ADGRB3: variants seen among roughly 807,000 people sequenced by gnomAD.
ADGRB3 encodes the protein brain-specific angiogenesis inhibitor 3.
A neutral mutation model predicts 193.4 loss-of-function variants in ADGRB3; 37 were observed. The observed-to-expected ratio is 0.19, with a 90% confidence interval of 0.15 to 0.25. The LOEUF is 0.25. Ranked by LOEUF, ADGRB3 falls within the 10% of genes least tolerant of loss-of-function variation. The pLI is 1.00. For synonymous variants in ADGRB3, 690 were observed against 644.2 expected (o/e 1.07, Z -1.08); for missense variants, 1,637 against 1,852.9 (o/e 0.88, Z 2.14).
intron 8 of ADGRB3, among the ~76,000 whole-genome samples, chr6:68,964,254 A>C (rs1768315900): frequency 6.6e-6 from 1 of 152,160 alleles, no homozygotes; most frequent in South Asian, 2.1e-4. Context: ...CGAGTTGTTC[A>C]GTTTCCCCAA....
chr6:68,650,232 A>T (rs1280619761), intron 3 of ADGRB3, among the ~76,000 whole-genome samples: 1 of 152,230 alleles, frequency 6.6e-6, no homozygotes, highest in Admixed American at 6.5e-5. Flanking sequence ...GTACAGAGAA[A>T]TAAATAACAA....
At chr6:68,892,672 G>T (rs1471680662) in intron 3 of ADGRB3, among the ~76,000 whole-genome samples, 2 of 151,906 alleles carry the variant, frequency 1.3e-5, no homozygotes, top group African/African-American at 4.8e-5. Context: ...ATATTGGCTG[G>T]GTGTTGATAA....
intron 3 of ADGRB3, among the ~76,000 whole-genome samples, chr6:68,912,541 C>T (rs1254212582): frequency 6.6e-6 from 1 of 152,014 alleles, no homozygotes; most frequent in African/African-American, 2.4e-5. Context: ...ACAACAGTCC[C>T]CAGAGTGTGA....
At chr6:69,310,002 C>A (rs1768150153) in intron 20 of ADGRB3, among the ~76,000 whole-genome samples, 1 of 151,678 alleles carries the variant, frequency 6.6e-6, no homozygotes, top group African/African-American at 2.4e-5. Flanking sequence ...TGGCCCAGAT[C>A]TCTCCTTCTT....
intron 3 of ADGRB3, among the ~76,000 whole-genome samples, chr6:68,719,810 T>C (rs540049081): frequency 6.6e-6 from 1 of 151,472 alleles, no homozygotes; most frequent in East Asian, 2.0e-4. Flanking sequence ...CAAGATAAAG[T>C]GAAAAAAAGG....
intron 4 of ADGRB3, 32 bp downstream of exon 4, chr6:68,930,701 G>A (rs565811011): frequency 1.4e-6 from 2 of 1,440,998 alleles, no homozygotes; most frequent in African/African-American, 2.9e-5. Context: ...TCTATTTATT[G>A]TTGTTAATTT....
chr6:68,684,883 C>T (rs1764954829), intron 3 of ADGRB3, among the ~76,000 whole-genome samples: 1 of 151,782 alleles, frequency 6.6e-6, no homozygotes, highest in Non-Finnish European at 1.5e-5. Flanking sequence ...ATCATAAGAG[C>T]ATGGGGTAAC....
intron 17 of ADGRB3, among the ~76,000 whole-genome samples, chr6:69,226,024 T>C (rs539310173): frequency 2.4e-4 from 37 of 152,292 alleles, no homozygotes; most frequent in African/African-American, 8.4e-4. Flanking sequence ...CATACTCCTT[T>C]CTACTCTCAC....
At chr6:68,804,756 AC>A (rs1284624188) in intron 3 of ADGRB3, among the ~76,000 whole-genome samples, 2 of 152,154 alleles carry the variant, frequency 1.3e-5, no homozygotes, top group African/African-American at 4.8e-5. Context: ...GATTACTAAA[AC>A]AAAATTAAAT....
intron 3 of ADGRB3, among the ~76,000 whole-genome samples, chr6:68,745,572 A>G (rs1190400558): frequency 6.6e-6 from 1 of 152,072 alleles, no homozygotes. Flanking sequence ...TGTGTTTTTT[A>G]CCTGAATTAA....
chr6:69,194,497 TTAG>T, intron 17 of ADGRB3, among the ~76,000 whole-genome samples: 1 of 152,084 alleles, frequency 6.6e-6, no homozygotes, highest in Non-Finnish European at 1.5e-5. Context: ...AAAAGGTAAA[TTAG>T]TAGTGAGTTC....
At chr6:69,011,167 G>GTGTGTGTGTATA (rs531482642) in intron 11 of ADGRB3, among the ~76,000 whole-genome samples, 2 of 143,052 alleles carry the variant, frequency 1.4e-5, no homozygotes, top group African/African-American at 5.2e-5. Context: ...GTGTGTGTGT[G>GTGTGTGTGTATA]TATATATATA....
At chr6:69,138,871 A>G (rs1774228600) in intron 17 of ADGRB3, among the ~76,000 whole-genome samples, 1 of 152,222 alleles carries the variant, frequency 6.6e-6, no homozygotes, top group African/African-American at 2.4e-5. Flanking sequence ...ATGTGAGAAA[A>G]ATTGCTTTAT....
At chr6:69,003,704 A>G (rs1017288687) in intron 11 of ADGRB3, among the ~76,000 whole-genome samples, 4 of 152,190 alleles carry the variant, frequency 2.6e-5, no homozygotes, top group African/African-American at 9.6e-5. Flanking sequence ...AAACATGACA[A>G]TAAGAAATTT....
At chr6:69,332,037 G>A in intron 23 of ADGRB3, 26 of 985,312 alleles carry the variant, frequency 2.6e-5, no homozygotes, top group Non-Finnish European at 3.0e-5. Context: ...AGCAGGGCAG[G>A]GTTACACCAA....
chr6:69,359,448 AAAAAAAGATGT>A (rs1318985731), intron 28 of ADGRB3, among the ~76,000 whole-genome samples: 1 of 150,384 alleles, frequency 6.6e-6, no homozygotes, highest in Non-Finnish European at 1.5e-5. Context: ...GTTAATCTTA[AAAAAAAGATGT>A]AAATTTAACA....
chr6:68,867,429 C>T (rs1765327591), intron 3 of ADGRB3, among the ~76,000 whole-genome samples: 1 of 152,212 alleles, frequency 6.6e-6, no homozygotes, highest in Admixed American at 6.5e-5. Flanking sequence ...ACCTGGATAT[C>T]CAGGCAGATG....
intron 17 of ADGRB3, among the ~76,000 whole-genome samples, chr6:69,180,698 G>A (rs1775557738): frequency 6.6e-6 from 1 of 152,188 alleles, no homozygotes; most frequent in African/African-American, 2.4e-5. Flanking sequence ...CTCTCCTTCT[G>A]CCTCAGGCCT....
At chr6:68,736,896 T>C (rs1335446922) in intron 3 of ADGRB3, among the ~76,000 whole-genome samples, 1 of 152,056 alleles carries the variant, frequency 6.6e-6, no homozygotes, top group African/African-American at 2.4e-5. Context: ...CTGTCAGTTT[T>C]TCTCTCTTTT....
Sources: allele counts gnomAD v4.1 joint callset (sites outside exome capture counted in the v4.1 genomes callset), GRCh38; gene constraint gnomAD v4.1.1; transcripts MANE v1.5; gene names NCBI Gene and HGNC (gene_info 2026-07-23, HGNC 2026-07-21).